DYNC2H1: variants seen among roughly 807,000 people sequenced by gnomAD.
DYNC2H1 encodes dynein cytoplasmic 2 heavy chain 1.
In DYNC2H1, 410 loss-of-function variants were observed where a neutral mutation model predicts 570.0. The observed-to-expected ratio is 0.72, with a 90% CI of 0.66 to 0.78. DYNC2H1 has a LOEUF of 0.78. Ranked by LOEUF, DYNC2H1 falls within the 30% of genes least tolerant of loss-of-function variation. DYNC2H1 has a pLI of 0.00. For missense variants in DYNC2H1, 4,865 were observed against 5,046.4 expected (o/e 0.96, Z 1.09); for synonymous variants, 1,688 against 1,677.6 (o/e 1.01, Z -0.15).
intron 34 of DYNC2H1, among the ~76,000 whole-genome samples, chr11:103,171,659 T>G (rs1487661678): frequency 2.0e-5 from 3 of 152,194 alleles, no homozygotes; most frequent in Non-Finnish European, 4.4e-5. Context: ...TTGTTCACAG[T>G]GCCTTAATGT....
intron 84 of DYNC2H1, among the ~76,000 whole-genome samples, chr11:103,412,211 T>C (rs1591709766): frequency 6.6e-6 from 1 of 152,178 alleles, no homozygotes; most frequent in East Asian, 1.9e-4. Flanking sequence ...TACGATTTAA[T>C]GTGCTTTAGG....
chr11:103,259,643 T>G (rs1865191094), intron 69 of DYNC2H1, among the ~76,000 whole-genome samples: 1 of 152,170 alleles, frequency 6.6e-6, no homozygotes, highest in Non-Finnish European at 1.5e-5. Context: ...TCAACTTATA[T>G]TGTATTATTG....
intron 75 of DYNC2H1, among the ~76,000 whole-genome samples, chr11:103,290,740 C>A (rs1866560668): frequency 6.6e-6 from 1 of 152,102 alleles, no homozygotes; most frequent in Non-Finnish European, 1.5e-5. Flanking sequence ...CTCTTCCTCT[C>A]TTGTTGCTTT....
intron 43 of DYNC2H1, 81 bp downstream of exon 43, chr11:103,187,667 T>G: frequency 6.6e-7 from 1 of 1,510,416 alleles, no homozygotes; most frequent in Non-Finnish European, 8.9e-7. Context: ...ATATTCATTC[T>G]TCATTTGGGG....
In DYNC2H1 at chr11:103,198,005, C is replaced by T; in HGVS notation, c.7781C>T (p.Pro2594Leu). The change falls in exon 48 of 89, where the codon CCA becomes CTA. Residue 2594 changes from proline to leucine, a missense_variant. Coordinates refer to ENST00000375735, the MANE Select transcript of DYNC2H1 (RefSeq NM_001377.3). ...ARAAPGQPLPPHGKPLGKLNS... is the reference protein window; with the variant it reads ...ARAAPGQPLPLHGKPLGKLNS... The stretch of plus-strand genomic sequence containing the variant: ...GCAGCCCCAGGACAACCATTACCTC[C>T]ACATGGAAAACCACTTGGAAAACTA... 1 of 1,558,980 alleles carries T rather than the reference C, an allele frequency of 6.4e-7. No individual in the cohort carries two copies. Among genetic ancestry groups the T allele is most frequent in the Non-Finnish European group, 8.7e-7 (1 of 1,150,672 alleles).
rs149291209 is a variant in DYNC2H1, at chr11:103,202,499, T to C, written c.8198-1164T>C. 5.5e-3 allele frequency among the ~76,000 whole-genome samples: 839 copies of C among 152,188 alleles called. 16 individuals carry two copies. The highest frequency in any genetic ancestry group is 6.8e-3 in the Middle Eastern group (2 of 294). The stretch of plus-strand genomic sequence containing the variant: ...TTCTTATTCCCTAATGTGTATAATA[T>C]ATAGATAGAGCTGACATTTTTTGCT... On this transcript the variant is annotated intron_variant, in intron 50 of 88. Coordinates refer to ENST00000375735, the MANE Select transcript of DYNC2H1 (RefSeq NM_001377.3).
At position 103,326,193 on chromosome 11, in the gene DYNC2H1, TTTG is replaced by T. The variant is rs1306739861; in HGVS notation, c.12039+2206_12039+2208del. Among the ~76,000 whole-genome samples, 1 of 152,168 alleles carries T rather than the reference TTTG, an allele frequency of 6.6e-6. No homozygotes were observed. Among genetic ancestry groups the T allele is most frequent in the Non-Finnish European group, 1.5e-5 (1 of 68,024 alleles). On this transcript the variant is annotated intron_variant, in intron 82 of 88. Transcript: ENST00000375735. The surrounding 1 kb of genome is among the most constrained non-coding windows in gnomAD (Gnocchi z 6.1). The stretch of plus-strand genomic sequence containing the variant: ...GGCTCTTACTTAGCCCTGTGGTTTT[TTTG>T]TTATTTCCTTGTTTTCGCAGGCACG...
chr11:103,127,968 TA>T (rs1201269580), intron 12 of DYNC2H1, among the ~76,000 whole-genome samples: 3 of 152,194 alleles, frequency 2.0e-5, no homozygotes, highest in African/African-American at 7.2e-5. Context: ...CCGGTCAGGT[TA>T]GGTATGCCTT....
intron 82 of DYNC2H1, among the ~76,000 whole-genome samples, chr11:103,356,517 A>G (rs201345609): frequency 4.5e-5 from 2 of 44,858 alleles, no homozygotes; most frequent in African/African-American, 8.2e-5. Context: ...TTGCAGTCTT[A>G]TTTGTTTTCT....
In DYNC2H1 at chr11:103,363,442, CTGT is replaced by C. The variant is rs1940754060; in HGVS notation, c.12156+5085_12156+5087del. Among the ~76,000 whole-genome samples, 1 of 152,146 alleles carries C rather than the reference CTGT, an allele frequency of 6.6e-6. No individual in the cohort carries two copies. Among genetic ancestry groups the C allele is most frequent in the Non-Finnish European group, 1.5e-5 (1 of 68,028 alleles). ...CTGGAATTTAGCAATTTCAAAATTG[CTGT>C]TAGGGGTTTAGATTAATACTCAATT... On this transcript the variant is annotated intron_variant, in intron 83 of 88. Coordinates refer to ENST00000375735, the MANE Select transcript of DYNC2H1 (RefSeq NM_001377.3). The surrounding 1 kb of genome is among the most constrained non-coding windows in gnomAD (Gnocchi z 5.6).
At chr11:103,110,177 G>T (rs527545246) in intron 1 of DYNC2H1, among the ~76,000 whole-genome samples, 1 of 151,986 alleles carries the variant, frequency 6.6e-6, no homozygotes, top group East Asian at 1.9e-4. Context: ...GCGCCGCCAC[G>T]CCTGGCTAAT....
intron 88 of DYNC2H1, among the ~76,000 whole-genome samples, chr11:103,473,185 A>G (rs966958297): frequency 2.6e-5 from 4 of 152,192 alleles, no homozygotes; most frequent in Non-Finnish European, 4.4e-5. Flanking sequence ...GAAAATAAAT[A>G]AAATGCTGAT....
chr11:103,191,582 A>C lies in DYNC2H1; in HGVS notation c.7503A>C (p.Gln2501His), dbSNP rs191319828. 3.7e-6 allele frequency: 6 copies of C among 1,609,632 alleles called. No individual in the cohort carries two copies. The South Asian group carries it at 6.7e-5, about 18-fold the overall frequency. ...HYFFTPCILTQWVLGLFRYDL... is the reference protein window; with the variant it reads ...HYFFTPCILTHWVLGLFRYDL... ...TCTTTACTCCTTGCATTCTTACCCAATGGGTTCTTGGCTTATTTAGATATG... is the reference window on the plus strand; with the variant it reads ...TCTTTACTCCTTGCATTCTTACCCACTGGGTTCTTGGCTTATTTAGATATG... Residue 2501 changes from glutamine to histidine, a missense_variant, in exon 46 of 89, where the codon CAA becomes CAC. Physicochemically the swap from Gln to His is conservative, Grantham distance 24 (BLOSUM62 0). This residue lies in a region of DYNC2H1 where 2,401 missense variants were observed against 2,454.6 expected (regional missense o/e 0.98). Transcript: ENST00000375735.
At position 103,157,509 on chromosome 11, in the gene DYNC2H1, T is replaced by C. The variant is rs897284966; in HGVS notation, c.4127+739T>C. Among the ~76,000 whole-genome samples, 1 of 152,250 alleles carries C rather than the reference T, an allele frequency of 6.6e-6. No homozygotes were observed. The highest frequency in any genetic ancestry group is 1.5e-5 in the Non-Finnish European group (1 of 68,040). ...TTGCTGAAAGCAGAGACATGATGGA[T>C]AACTTTGATATCTCCCTCTTCCTCC... is the stretch of plus-strand genomic sequence containing the variant. On this transcript the variant is annotated intron_variant, in intron 26 of 88. Coordinates refer to ENST00000375735, the MANE Select transcript of DYNC2H1 (RefSeq NM_001377.3). This position sits in a 1 kb window ranked among gnomAD's most constrained non-coding sequence, Gnocchi z 4.2.
chr11:103,417,786 G>C (rs1482982949), intron 84 of DYNC2H1, among the ~76,000 whole-genome samples: 11 of 151,442 alleles, frequency 7.3e-5, no homozygotes, highest in Admixed American at 5.9e-4. Flanking sequence ...GGAGGCAGGA[G>C]AATTGCTTGA....
Position 103,187,322 on chromosome 11 carries a change from G to A in DYNC2H1, c.6894-18G>A, listed in dbSNP as rs759209536. The stretch of plus-strand genomic sequence containing the variant: ...GGTTGCATTTTTATCAAAGTCAGAT[G>A]TCATGCATTTTTCGTAGGATGCTGC... On this transcript the variant is annotated intron_variant, in intron 42 of 88. Transcript: ENST00000375735. 2.5e-6 allele frequency: 4 copies of A among 1,612,234 alleles called. No homozygotes were observed. The highest frequency in any genetic ancestry group is 3.3e-5 in the Admixed American group (2 of 59,736).
chr11:103,235,835 A>G, intron 62 of DYNC2H1, 22 bp downstream of exon 62: 2 of 1,608,312 alleles, frequency 1.2e-6, no homozygotes. Flanking sequence ...GTTATTCCTG[A>G]TCTTGAGAGT....
At position 103,459,308 on chromosome 11, in the gene DYNC2H1, C is replaced by CA. The variant is rs33941099; in HGVS notation, c.12648+2977dup. On this transcript the variant is annotated intron_variant, in intron 87 of 88. Transcript: ENST00000375735. ...TGGGCGACAGAGCGAGACTCCGTCT[C>CA]AAAAAAAAAAAAAAAAAAAAAAAAA... Among the ~76,000 whole-genome samples the CA allele has an allele frequency of 1.9e-3, 102 of 52,366 alleles. 1 individual carries two copies. Among genetic ancestry groups the CA allele is most frequent in the African/African-American group, 3.2e-3 (42 of 13,138 alleles). The allele number at this position is 52,366 out of a possible 152,430, so 34.4% of individuals were successfully genotyped here.
rs1862093120 is a variant in DYNC2H1, at chr11:103,186,809, T to C, written c.6893+308T>C. On this transcript the variant is annotated intron_variant, in intron 42 of 88. Transcript: ENST00000375735. This position sits in a 1 kb window ranked among gnomAD's most constrained non-coding sequence, Gnocchi z 4.5. ...ATATATACTCACACACCATTTGCTT[T>C]AGTTATAAAATTTAAAATTTGAAGT... Among the ~76,000 whole-genome samples the C allele has an allele frequency of 6.6e-6, 1 of 151,870 alleles. No homozygotes were observed. The highest frequency in any genetic ancestry group is 2.1e-4 in the South Asian group (1 of 4,814).
Sources: gnomAD v4.1 joint callset for allele counts (sites outside exome capture counted in the v4.1 genomes callset) on GRCh38, gnomAD v4.1.1 for gene constraint, gnomAD v4.1.1 regional missense constraint, Gnocchi (gnomAD v3.1) non-coding constraint, MANE v1.5 for transcripts, NCBI Gene and HGNC (gene_info 2026-07-23, HGNC 2026-07-21) for gene names.